Variants in MMP17 observed in about 807,000 individuals in gnomAD.
MMP17 encodes the protein matrix metalloproteinase-17.
MMP17 carries 54 observed loss-of-function variants against 49.1 expected under a neutral mutation model. The ratio of observed to expected loss-of-function variants is 1.10; its 90% CI spans 0.88 to 1.38. The LOEUF is 1.38. Among genes scored for constraint, MMP17 ranks in the 40% most tolerant of loss-of-function variants. The pLI is 0.00. For synonymous variants in MMP17, 397 were observed against 383.1 expected (o/e 1.04, Z -0.42); for missense variants, 837 against 853.7 (o/e 0.98, Z 0.24).
intron 3 of MMP17, 182 bp from the exon 4 acceptor site, chr12:131,840,391 C>G: frequency 1.7e-6 from 1 of 598,358 alleles, no homozygotes; most frequent in Non-Finnish European, 2.9e-6. Flanking sequence ...GTCATCTATC[C>G]CAGTGAACTA....
At chr12:131,848,171 G>A (rs375612691) in intron 8 of MMP17, among the ~76,000 whole-genome samples, 4 of 151,910 alleles carry the variant, frequency 2.6e-5, no homozygotes, top group Non-Finnish European at 5.9e-5. Flanking sequence ...CTGCGGCCTC[G>A]ACCTCCCAGG....
At chr12:131,838,555 G>A (rs1887204754) in intron 2 of MMP17, 57 bp from the exon 3 acceptor site, 5 of 1,556,410 alleles carry the variant, frequency 3.2e-6, no homozygotes, top group Admixed American at 1.9e-5. Context: ...GGATGCTCGG[G>A]ATCCTAGGGT....
intron 9 of MMP17, 79 bp downstream of exon 9, chr12:131,850,138 G>A: frequency 6.8e-7 from 1 of 1,470,280 alleles, no homozygotes. Flanking sequence ...GGGCAGCCAA[G>A]AGGTTCCCTG....
chr12:131,844,043 C>G lies in MMP17; in HGVS notation c.930C>G (p.Pro310=). The change falls in exon 6 of 10, where the codon CCC becomes CCG. Residue 310 remains proline, a synonymous_variant. Transcript: ENST00000360564. ...VSPTAQPEEP[P]LLPEPPDNRS... ...CCACGGCGCAGCCCGAGGAGCCTCC[C>G]CTGCTGCCGGAGCCCCCAGACAACC... 1 of 1,570,294 alleles carries G rather than the reference C, an allele frequency of 6.4e-7. No individual in the cohort carries two copies. The highest frequency in any genetic ancestry group is 8.6e-7 in the Non-Finnish European group (1 of 1,160,038).
intron 1 of MMP17, among the ~76,000 whole-genome samples, chr12:131,837,761 A>G (rs774256892): frequency 1.6e-4 from 25 of 152,130 alleles, no homozygotes; most frequent in Non-Finnish European, 3.2e-4. Flanking sequence ...CCCAGGCTGG[A>G]GTGCAGTGGC....
At chr12:131,850,727 A>G (rs1419164594) in intron 9 of MMP17, among the ~76,000 whole-genome samples, 198 bp from the exon 10 acceptor site, 5 of 148,002 alleles carry the variant, frequency 3.4e-5, no homozygotes, top group Non-Finnish European at 7.5e-5. Flanking sequence ...ACCCCCTGCC[A>G]TCTAGCACGA....
chr12:131,831,159 G>C (rs573960680), intron 1 of MMP17, among the ~76,000 whole-genome samples: 5 of 152,352 alleles, frequency 3.3e-5, no homozygotes, highest in African/African-American at 1.2e-4. Flanking sequence ...CCTGCTTCTG[G>C]CCAGAACTTC....
At position 131,845,357 on chromosome 12, in the gene MMP17, T is replaced by C. The variant is rs1353034491; in HGVS notation, c.1112T>C (p.Met371Thr). The C allele has an allele frequency of 6.2e-7, 1 of 1,601,718 alleles. No homozygotes were observed. The highest frequency in any genetic ancestry group is 1.1e-5 in the South Asian group (1 of 90,896). The change falls in exon 8 of 10, where the codon ATG (methionine) becomes ACG (threonine). Residue 371 changes from methionine to threonine, a missense_variant. Transcript: ENST00000360564. ...RHLVSLQPAQ[M>T]HRFWRGLPLH... Reference sequence around the variant, plus strand: ...CTGGTGTCCCTGCAGCCGGCACAGATGCACCGCTTCTGGCGGGGCCTGCCG... The same window carrying C: ...CTGGTGTCCCTGCAGCCGGCACAGACGCACCGCTTCTGGCGGGGCCTGCCG...
Position 131,838,257 on chromosome 12 carries a change from G to A in MMP17, c.222G>A (p.Thr74=), listed in dbSNP as rs566410693. The change falls in exon 2 of 10, where the codon ACG becomes ACA. Residue 74 remains threonine (T), a synonymous_variant. Transcript: ENST00000360564. The part of the protein sequence containing the change: ...PADPTTGQLQ[T]QEELSKAITA... ...ACCCCACAACAGGGCAGCTGCAGAC[G>A]CAAGAGGAGCTGTCTAAGGCCATCA... 28 of 1,613,272 alleles carry A rather than the reference G, an allele frequency of 1.7e-5. 1 individual carries two copies. The Admixed American group carries it at 3.2e-4, about 18-fold the overall frequency.
intron 3 of MMP17, 150 bp from the exon 4 acceptor site, chr12:131,840,423 C>T (rs1402616817): frequency 8.9e-6 from 7 of 786,108 alleles, no homozygotes; most frequent in East Asian, 7.6e-5. Context: ...GTGAGTGCAT[C>T]GGATGACTCC....
intron 1 of MMP17, 111 bp downstream of exon 1, chr12:131,828,764 G>A (rs1886643420): frequency 5.8e-6 from 1 of 172,518 alleles, no homozygotes; most frequent in East Asian, 1.6e-4. Context: ...GGCGTCGCGC[G>A]GGAGCCCTGG....
chr12:131,837,929 C>T (rs1887165265), intron 1 of MMP17: 2 of 321,286 alleles, frequency 6.2e-6, no homozygotes, highest in Admixed American at 9.0e-5. Flanking sequence ...CTAGGATGGT[C>T]TCCATCTCCT....
chr12:131,846,013 G>C lies in MMP17; in HGVS notation c.1204+564G>C, dbSNP rs915416684. 1.3e-5 allele frequency among the ~76,000 whole-genome samples: 2 copies of C among 152,124 alleles called. No individual in the cohort carries two copies. The highest frequency in any genetic ancestry group is 4.8e-5 in the African/African-American group (2 of 41,428). ...TGCCCACCGTTCCAGGAACCACCTCGTGGCAGTGTTACAGGAAGCACTCCT... is the reference window on the plus strand; with the variant it reads ...TGCCCACCGTTCCAGGAACCACCTCCTGGCAGTGTTACAGGAAGCACTCCT... On this transcript the variant is annotated intron_variant, in intron 8 of 9. Transcript: ENST00000360564. The surrounding 1 kb of genome is among the most constrained non-coding windows in gnomAD (Gnocchi z 4.6).
At position 131,850,934 on chromosome 12, in the gene MMP17, A is replaced by C. The variant is rs1887939085; in HGVS notation, c.1472A>C (p.Tyr491Ser). The C allele has an allele frequency of 1.4e-6, 2 of 1,478,190 alleles. No individual in the cohort carries two copies. The highest frequency in any genetic ancestry group is 1.4e-5 in the African/African-American group (1 of 69,056). 91.6% of individuals were successfully genotyped at this position (1,478,190 alleles called of 1,614,324 possible). Residue 491 changes from tyrosine to serine, a missense_variant, in exon 10 of 10, where the codon TAC becomes TCC. By Grantham distance (144) the Tyr-to-Ser change is moderately radical. Transcript: ENST00000360564. ...DAMRWSDGAS[Y>S]FFRGQEYWKV... is the part of the protein sequence containing the mutation. The stretch of plus-strand genomic sequence containing the variant: ...TCCCTCCTCTTCTCAGGTGCCTCCT[A>C]CTTCTTCCGTGGCCAGGAGTACTGG...
Position 131,850,844 on chromosome 12 carries a change from CA to C in MMP17, c.1463-79del, listed in dbSNP as rs1057143080. The C allele has an allele frequency of 2.6e-6, 3 of 1,143,000 alleles. No individual in the cohort carries two copies. In the Admixed American group the frequency reaches 1.1e-4, roughly 43 times the overall value. 70.8% of individuals were successfully genotyped at this position (1,143,000 alleles called of 1,614,324 possible). On this transcript the variant is annotated intron_variant, in intron 9 of 9. Coordinates refer to ENST00000360564, the MANE Select transcript of MMP17 (RefSeq NM_016155.7). Reference sequence around the variant, plus strand: ...CTTCCGCTGCAGCCCTCCCTGAGCCCAACGCTCCCTCCTCGCTGTCCGGCTC... The same window carrying C: ...CTTCCGCTGCAGCCCTCCCTGAGCCCACGCTCCCTCCTCGCTGTCCGGCTC...
intron 1 of MMP17, among the ~76,000 whole-genome samples, chr12:131,835,933 T>C (rs907169341): frequency 2.6e-5 from 4 of 152,128 alleles, no homozygotes; most frequent in African/African-American, 9.7e-5. Flanking sequence ...AGGTGCAAGG[T>C]AGTGTGGGAC....
intron 3 of MMP17, among the ~76,000 whole-genome samples, chr12:131,839,326 T>G (rs1353573060): frequency 1.3e-5 from 2 of 151,936 alleles, no homozygotes; most frequent in African/African-American, 4.8e-5. Context: ...TCTTTTTTTT[T>G]TTTTGAGACA....
chr12:131,840,803 C>T lies in MMP17; in HGVS notation c.653C>T (p.Thr218Ile). Residue 218 changes from threonine (T) to isoleucine (I), a missense_variant, in exon 4 of 10, where the codon ACC becomes ATC. Thr to Ile is a moderately conservative substitution (Grantham distance 89). Coordinates refer to ENST00000360564, the MANE Select transcript of MMP17 (RefSeq NM_016155.7). ...GCCTTCTTCCCCGGCCACCACCACACCGCCGGGGACACCCACTTTGACGAT... is the reference window on the plus strand; with the variant it reads ...GCCTTCTTCCCCGGCCACCACCACATCGCCGGGGACACCCACTTTGACGAT... ...AHAFFPGHHH[T>I]AGDTHFDDDE... 6.2e-7 allele frequency: 1 copy of T among 1,606,846 alleles called. No homozygotes were observed. The highest frequency in any genetic ancestry group is 1.3e-5 in the African/African-American group (1 of 75,058).
At position 131,838,466 on chromosome 12, in the gene MMP17, G is replaced by A; in HGVS notation, c.292+139G>A. The A allele has an allele frequency of 1.4e-6, 2 of 1,449,446 alleles. 1 individual carries two copies. 89.8% of individuals were successfully genotyped at this position (1,449,446 alleles called of 1,614,324 possible). A position where few individuals can be genotyped will look rare whatever the true frequency, so the allele number is the denominator to read the frequency against. On this transcript the variant is annotated intron_variant, in intron 2 of 9. Transcript: ENST00000360564. ...CCTGGCCTGGTGTAGCTCAGAGCCT[G>A]GGGCTGGTCCCCCAAAGATGACGTG...
Sources: allele counts gnomAD v4.1 joint callset (sites outside exome capture counted in the v4.1 genomes callset), GRCh38; gene constraint gnomAD v4.1.1; non-coding constraint Gnocchi (gnomAD v3.1); transcripts MANE v1.5; gene names NCBI Gene and HGNC (gene_info 2026-07-23, HGNC 2026-07-21).